Variants in NRXN3 observed in about 807,000 individuals in gnomAD.
NRXN3 encodes the protein neurexin 3, also known as neurexin III.
A neutral mutation model predicts 137.6 loss-of-function variants in NRXN3; 32 were observed. That is an observed-to-expected ratio of 0.23 (90% CI 0.18 to 0.31). NRXN3 has a LOEUF of 0.31. Ranked by LOEUF, NRXN3 falls within the 10% of genes least tolerant of loss-of-function variation. NRXN3 has a pLI of 1.00. For synonymous variants in NRXN3, 798 were observed against 784.5 expected (o/e 1.02, Z -0.29); for missense variants, 1,574 against 2,062.5 (o/e 0.76, Z 4.59).
intron 10 of NRXN3, among the ~76,000 whole-genome samples, chr14:78,906,810 A>G (rs768771047): frequency 6.6e-6 from 1 of 151,834 alleles, no homozygotes; most frequent in Non-Finnish European, 1.5e-5. Flanking sequence ...AGGCTTACAT[A>G]TAGCCATATG....
In NRXN3 at chr14:78,866,166, C is replaced by T. The variant is rs31358; in HGVS notation, c.2275+55822C>T. Among the ~76,000 whole-genome samples, 1,278 of 151,988 alleles carry T rather than the reference C, an allele frequency of 8.4e-3. 15 individuals are homozygous for T. The highest frequency in any genetic ancestry group is 0.03 in the African/African-American group (1,240 of 41,456). On this transcript the variant is annotated intron_variant, in intron 10 of 20. Transcript: ENST00000335750. ...CTATAGTCTCTGCTGATTTTAAAGT[C>T]GAGATTAGATTGTTCTTGTATACCC...
chr14:78,586,697 C>T (rs2097066570), intron 4 of NRXN3, among the ~76,000 whole-genome samples: 1 of 152,146 alleles, frequency 6.6e-6, no homozygotes, highest in African/African-American at 2.4e-5. Context: ...GAGCCATGTC[C>T]CCCGACCCTG....
chr14:78,836,063 C>A (rs529706859), intron 10 of NRXN3, among the ~76,000 whole-genome samples: 16 of 152,206 alleles, frequency 1.1e-4, no homozygotes, highest in African/African-American at 3.9e-4. Flanking sequence ...TGCTCTGGCA[C>A]ACAGAATACA....
chr14:78,463,127 C>G (rs1402772099), intron 4 of NRXN3, among the ~76,000 whole-genome samples: 1 of 152,096 alleles, frequency 6.6e-6, no homozygotes, highest in Non-Finnish European at 1.5e-5. Context: ...AAATAGTTCA[C>G]TTAGGATAAA....
At chr14:78,781,420 A>T (rs1023930467) in intron 8 of NRXN3, among the ~76,000 whole-genome samples, 1 of 152,174 alleles carries the variant, frequency 6.6e-6, no homozygotes, top group African/African-American at 2.4e-5. Context: ...AGGTATGTAG[A>T]TATTTATTAT....
At chr14:79,245,727 G>A (rs900332995) in intron 15 of NRXN3, among the ~76,000 whole-genome samples, 17 of 152,116 alleles carry the variant, frequency 1.1e-4, no homozygotes, top group African/African-American at 3.9e-4. Context: ...GGCACACATT[G>A]CATTATAGAT....
chr14:79,488,920 T>C (rs566025578), intron 16 of NRXN3, among the ~76,000 whole-genome samples: 10 of 152,206 alleles, frequency 6.6e-5, no homozygotes, highest in Non-Finnish European at 1.3e-4. Flanking sequence ...GGTTTCAACC[T>C]AGCTCTATCT....
intron 4 of NRXN3, among the ~76,000 whole-genome samples, chr14:78,370,212 G>A (rs895849966): frequency 6.6e-6 from 1 of 151,924 alleles, no homozygotes; most frequent in Non-Finnish European, 1.5e-5. Flanking sequence ...CCAACGTAGT[G>A]ATCTGGAACC....
intron 15 of NRXN3, among the ~76,000 whole-genome samples, chr14:79,135,881 C>G (rs577981128): frequency 6.6e-6 from 1 of 152,164 alleles, no homozygotes; most frequent in Admixed American, 6.5e-5. Flanking sequence ...GTTGACTGAG[C>G]CTTGACATGA....
chr14:79,448,919 G>A (rs1288745850), intron 15 of NRXN3, among the ~76,000 whole-genome samples: 1 of 152,174 alleles, frequency 6.6e-6, no homozygotes, highest in Middle Eastern at 3.2e-3. Context: ...TGAGCCAGCA[G>A]GACTGCTCAC....
At chr14:79,057,404 T>C (rs2099667161) in intron 15 of NRXN3, among the ~76,000 whole-genome samples, 1 of 152,230 alleles carries the variant, frequency 6.6e-6, no homozygotes, top group Non-Finnish European at 1.5e-5. Flanking sequence ...TAGTGTGTGT[T>C]ATTTTTAGCC....
At chr14:78,283,905 C>T (rs955265777) in intron 3 of NRXN3, among the ~76,000 whole-genome samples, 1 of 152,206 alleles carries the variant, frequency 6.6e-6, no homozygotes, top group African/African-American at 2.4e-5. Context: ...CCTTATTAAA[C>T]AAAAGTTTGC....
intron 15 of NRXN3, among the ~76,000 whole-genome samples, chr14:79,104,250 T>A (rs1176358115): frequency 6.6e-6 from 1 of 152,212 alleles, no homozygotes; most frequent in Admixed American, 6.5e-5. Flanking sequence ...AACATCCACA[T>A]ATTTCCCTTC....
rs917395660 is a variant in NRXN3 at position 79,763,594 on chromosome 14, C to T, written c.4015-41518C>T. Among the ~76,000 whole-genome samples the T allele has an allele frequency of 2.0e-5, 3 of 151,548 alleles. 1 individual carries two copies. Among genetic ancestry groups the T allele is most frequent in the African/African-American group, 7.3e-5 (3 of 40,880 alleles). Reference sequence around the variant, plus strand: ...TTATAAACAACAGAAATGTATTTGTCACGGATCTGGAGGCTGGGGAGTCTG... The same window carrying T: ...TTATAAACAACAGAAATGTATTTGTTACGGATCTGGAGGCTGGGGAGTCTG... On this transcript the variant is annotated intron_variant, in intron 19 of 20. Transcript: ENST00000335750.
At chr14:79,442,479 A>G (rs916194364) in intron 15 of NRXN3, among the ~76,000 whole-genome samples, 1 of 152,220 alleles carries the variant, frequency 6.6e-6, no homozygotes, top group Admixed American at 6.5e-5. Flanking sequence ...CTTGCCAGTA[A>G]GCCTATAGAA....
chr14:79,713,944 A>G (rs1173768091), intron 19 of NRXN3, among the ~76,000 whole-genome samples: 1 of 152,122 alleles, frequency 6.6e-6, no homozygotes, highest in Non-Finnish European at 1.5e-5. Context: ...CAAAATGTCA[A>G]TCAATATGTT....
chr14:78,697,762 A>G (rs989302439), intron 6 of NRXN3: 1 of 151,978 alleles, frequency 6.6e-6, no homozygotes, highest in African/African-American at 2.4e-5. Context: ...TTCTGTCTAT[A>G]TTATTGTCAG....
chr14:78,572,919 C>T (rs780122922), intron 4 of NRXN3, among the ~76,000 whole-genome samples: 1 of 152,188 alleles, frequency 6.6e-6, no homozygotes, highest in Non-Finnish European at 1.5e-5. Context: ...CTCTGTGTCC[C>T]TACCCAAATC....
chr14:78,572,885 G>A (rs17107873), intron 4 of NRXN3, among the ~76,000 whole-genome samples: 3,431 of 152,246 alleles, frequency 0.023, 42 homozygotes, highest in Non-Finnish European at 0.025. Flanking sequence ...TGGCAGTTGA[G>A]AATTGGTGAC....
Sources: gnomAD v4.1 joint callset for allele counts (sites outside exome capture counted in the v4.1 genomes callset) on GRCh38, gnomAD v4.1.1 for gene constraint, MANE v1.5 for transcripts, NCBI Gene and HGNC (gene_info 2026-07-23, HGNC 2026-07-21) for gene names.